The following DOCK2 variants were observed in gnomAD, a reference collection of about 807,000 sequenced individuals.
DOCK2 encodes the protein dedicator of cytokinesis protein 2.
In DOCK2, 87 loss-of-function variants were observed where a neutral mutation model predicts 248.9. The observed-to-expected ratio is 0.35, with a 90% CI of 0.29 to 0.42. The LOEUF (loss-of-function observed/expected upper bound fraction) is 0.42, where lower values mean the gene tolerates loss of function less well. DOCK2 is among the 10% of genes least tolerant of loss of function. DOCK2 has a pLI of 1.00. For synonymous variants in DOCK2, 805 were observed against 821.6 expected, an observed-to-expected ratio of 0.98 and a Z score of 0.35; for missense variants, 1,747 against 2,300.2, an observed-to-expected ratio of 0.76 and a Z score of 4.92.
chr5:169,713,964 C>A lies in DOCK2; in HGVS notation c.1660-64C>A. The A allele has an allele frequency of 3.3e-6, 5 of 1,492,630 alleles. No homozygotes were observed. The South Asian group carries it at 7.0e-5, about 21-fold the overall frequency. 92.5% of individuals were successfully genotyped at this position (1,492,630 alleles called of 1,614,324 possible). On this transcript the variant is annotated intron_variant, in intron 17 of 51. Coordinates refer to ENST00000520908, the MANE Select transcript of DOCK2 (RefSeq NM_004946.3). ...TTCACAGTGTCTAATTTGTCTGCTG[C>A]AGGCTCTGTGTGGCATTGGGCATGG... is the stretch of plus-strand genomic sequence containing the variant.
chr5:170,063,118 C>G (rs182704337), intron 44 of DOCK2, among the ~76,000 whole-genome samples: 4 of 152,008 alleles, frequency 2.6e-5, no homozygotes, highest in Non-Finnish European at 4.4e-5. Flanking sequence ...ATATGCATGT[C>G]GCCAAAGACC....
intron 22 of DOCK2, among the ~76,000 whole-genome samples, chr5:169,743,177 A>G (rs574797755): frequency 1.3e-5 from 2 of 152,368 alleles, no homozygotes; most frequent in South Asian, 4.1e-4. Flanking sequence ...GGGGTCCCAC[A>G]ATGCTTAATG....
At chr5:170,035,687 T>A (rs912572058) in intron 35 of DOCK2, among the ~76,000 whole-genome samples, 3 of 152,112 alleles carry the variant, frequency 2.0e-5, no homozygotes, top group Non-Finnish European at 4.4e-5. Flanking sequence ...ATTGCTTAAA[T>A]ATGGTGTCAA....
chr5:169,960,236 A>G (rs145571932), intron 27 of DOCK2, among the ~76,000 whole-genome samples: 1,684 of 152,326 alleles, frequency 0.011, 23 homozygotes, highest in Non-Finnish European at 0.02. Flanking sequence ...AAAGCTGTGT[A>G]TGCCTTCCAT....
intron 14 of DOCK2, among the ~76,000 whole-genome samples, chr5:169,704,681 A>G (rs1581064872): frequency 6.6e-6 from 1 of 152,142 alleles, no homozygotes; most frequent in Admixed American, 6.6e-5. Context: ...ATGCTTGAGG[A>G]CATGGATCCC....
rs1774880498 is a variant in DOCK2, at chr5:169,916,466, A to AGT, written c.2800-66601_2800-66600insTG. Among the ~76,000 whole-genome samples, 4 of 152,358 alleles carry AGT rather than the reference A, an allele frequency of 2.6e-5. No individual in the cohort carries two copies. In the South Asian group the frequency reaches 8.3e-4, roughly 32 times the overall value. Reference sequence around the variant, plus strand: ...TGCACTTAGAGAGTGAGAGCAGCATAGCAAAGTGATGAAGGGGATGGACGC... The same window carrying AGT: ...TGCACTTAGAGAGTGAGAGCAGCATAGTGCAAAGTGATGAAGGGGATGGACGC... On this transcript the variant is annotated intron_variant, in intron 27 of 51. Transcript: ENST00000520908.
intron 1 of DOCK2, among the ~76,000 whole-genome samples, chr5:169,653,952 G>T (rs1757948184): frequency 6.6e-6 from 1 of 152,204 alleles, no homozygotes; most frequent in East Asian, 1.9e-4. Flanking sequence ...GGGGCTCAGG[G>T]TCTCAGAGGC....
Position 169,718,776 on chromosome 5 carries a change from G to C in DOCK2, c.2252G>C (p.Arg751Thr). The change falls in exon 22 of 52, where the codon AGG becomes ACG. Residue 751 changes from arginine to threonine, a missense_variant. Physicochemically the swap from Arg to Thr is moderately conservative, Grantham distance 71. Transcript: ENST00000520908. ...EYVFKFIVRS[R>T]TLFSQLYEGK... The stretch of plus-strand genomic sequence containing the variant: ...GTGTTCAAGTTCATTGTTCGGTCGA[G>C]GACATTATTTTCACAGTGAGTACTT... 1 of 1,613,394 alleles carries C rather than the reference G, an allele frequency of 6.2e-7. No individual in the cohort carries two copies. The highest frequency in any genetic ancestry group is 8.5e-7 in the Non-Finnish European group (1 of 1,179,500).
chr5:169,860,710 A>C (rs58767403), intron 27 of DOCK2, among the ~76,000 whole-genome samples: 1 of 152,166 alleles, frequency 6.6e-6, no homozygotes. Flanking sequence ...ATCACATGAC[A>C]GGAAAGTTGT....
intron 27 of DOCK2, among the ~76,000 whole-genome samples, chr5:169,939,931 G>C (rs1776165855): frequency 6.6e-6 from 1 of 152,202 alleles, no homozygotes. Context: ...TGGAAAAACA[G>C]AGATTCTGAG....
intron 27 of DOCK2, among the ~76,000 whole-genome samples, chr5:169,965,629 A>T (rs1368364149): frequency 6.6e-6 from 1 of 152,074 alleles, no homozygotes; most frequent in Non-Finnish European, 1.5e-5. Flanking sequence ...GGTAATTCTA[A>T]TGTGCAGCAG....
At chr5:169,907,883 A>G (rs983799028) in intron 27 of DOCK2, among the ~76,000 whole-genome samples, 3 of 152,200 alleles carry the variant, frequency 2.0e-5, no homozygotes, top group Non-Finnish European at 2.9e-5. Flanking sequence ...TAAACATCCT[A>G]CAACACACAG....
chr5:169,712,964 A>T (rs1301812504), intron 17 of DOCK2, among the ~76,000 whole-genome samples: 1 of 152,260 alleles, frequency 6.6e-6, no homozygotes, highest in African/African-American at 2.4e-5. Flanking sequence ...AAGGTTGAGT[A>T]GCCAGCACAT....
chr5:169,856,303 C>T (rs995001558), intron 27 of DOCK2, among the ~76,000 whole-genome samples: 5 of 152,222 alleles, frequency 3.3e-5, no homozygotes, highest in Non-Finnish European at 2.9e-5. Flanking sequence ...TGCCCACCAG[C>T]CCCTGAGCTC....
In DOCK2 at chr5:169,641,039, C is replaced by T. The variant is rs370706693; in HGVS notation, c.43+3670C>T. On this transcript the variant is annotated intron_variant, in intron 1 of 51. Coordinates refer to ENST00000520908, the MANE Select transcript of DOCK2 (RefSeq NM_004946.3). ...TGGTTTGCTGGCAATCCTCGGCATT[C>T]CTTGGCTTACAAAAGCGTTGCCTTG... 2.7e-3 allele frequency among the ~76,000 whole-genome samples: 418 copies of T among 152,338 alleles called. 3 individuals are homozygous for T. The highest frequency in any genetic ancestry group is 0.024 in the Middle Eastern group (7 of 294).
intron 22 of DOCK2, among the ~76,000 whole-genome samples, chr5:169,722,110 C>T (rs1374562041): frequency 2.0e-5 from 3 of 152,130 alleles, no homozygotes; most frequent in African/African-American, 4.8e-5. Flanking sequence ...TGACTGAGCT[C>T]CTGGGAGGTA....
intron 27 of DOCK2, chr5:169,875,759 A>G (rs562794057): frequency 1.3e-5 from 2 of 153,786 alleles, no homozygotes; most frequent in Non-Finnish European, 2.9e-5. Flanking sequence ...ATCCTCGGTA[A>G]GTGGTAGCTC....
intron 25 of DOCK2, among the ~76,000 whole-genome samples, chr5:169,774,994 C>T (rs999841832): frequency 4.6e-5 from 7 of 152,060 alleles, no homozygotes; most frequent in African/African-American, 1.4e-4. Flanking sequence ...CCGCAGCCTC[C>T]GCTTCCCAGG....
intron 26 of DOCK2, among the ~76,000 whole-genome samples, chr5:169,825,338 C>T (rs1390455902): frequency 6.6e-6 from 1 of 152,084 alleles, no homozygotes; most frequent in African/African-American, 2.4e-5. Context: ...TATTGTGGCA[C>T]TATTCACAAT....
Sources: gnomAD v4.1 joint callset for allele counts (sites outside exome capture counted in the v4.1 genomes callset) on GRCh38, gnomAD v4.1.1 for gene constraint, MANE v1.5 for transcripts, NCBI Gene and HGNC (gene_info 2026-07-23, HGNC 2026-07-21) for gene names.